NICOL1: variants seen among roughly 807,000 people sequenced by gnomAD.
NICOL1 encodes the protein NELL2 interacting cell ontogeny regulator 1, also known as NELL2-interacting cell ontogeny regulator 1.
chr4:2,042,167 G>A, the NICOL1 span: 2 of 1,356,022 alleles, frequency 1.5e-6, no homozygotes, highest in Non-Finnish European at 1.9e-6. Flanking sequence ...TGGAGTCGGG[G>A]AACCGGAGGT....
chr4:2,038,935 C>T, the NICOL1 span, among the ~76,000 whole-genome samples: 6 of 152,272 alleles, frequency 3.9e-5, no homozygotes, highest in South Asian at 4.1e-4. Context: ...GCTCTGTCAA[C>T]GATCTTTTCA....
At chr4:2,042,374 G>C in the NICOL1 span, 2 of 512,510 alleles carry the variant, frequency 3.9e-6, no homozygotes, top group East Asian at 3.7e-5. Context: ...CCCGCGTGCC[G>C]GTCCCCGATG....
chr4:2,042,569 C>A, the NICOL1 span: 1 of 485,374 alleles, frequency 2.1e-6, no homozygotes, highest in South Asian at 3.0e-5. Context: ...GGGAGGACCG[C>A]GCCTCGCCTT....
the NICOL1 span, among the ~76,000 whole-genome samples, chr4:2,043,321 AC>A: frequency 7.9e-5 from 12 of 152,202 alleles, no homozygotes; most frequent in South Asian, 4.1e-4. Context: ...GGGAGCCCCC[AC>A]GCCATGGGGT....
chr4:2,038,237 G>GTGTGTGTGTA, the NICOL1 span, among the ~76,000 whole-genome samples: 8 of 91,468 alleles, frequency 8.7e-5, no homozygotes, highest in Admixed American at 2.6e-4. Flanking sequence ...TGATCAGTGT[G>GTGTGTGTGTA]TATATATATA....
chr4:2,041,358 A>G, the NICOL1 span, among the ~76,000 whole-genome samples: 1 of 152,012 alleles, frequency 6.6e-6, no homozygotes, highest in East Asian at 1.9e-4. Flanking sequence ...CCCTGAGTTC[A>G]CGGGACTGAA....
the NICOL1 span, among the ~76,000 whole-genome samples, chr4:2,036,613 AC>A: frequency 6.6e-6 from 1 of 152,216 alleles, no homozygotes; most frequent in Non-Finnish European, 1.5e-5. Flanking sequence ...CTCCACTACA[AC>A]ATGTTCAGGG....
At chr4:2,041,045 G>A in the NICOL1 span, among the ~76,000 whole-genome samples, 1 of 151,888 alleles carries the variant, frequency 6.6e-6, no homozygotes, top group Non-Finnish European at 1.5e-5. Flanking sequence ...GGCGAGCGGG[G>A]CGGCCTCCAG....
At chr4:2,043,029 C>G in the NICOL1 span, among the ~76,000 whole-genome samples, 1 of 152,198 alleles carries the variant, frequency 6.6e-6, no homozygotes, top group Non-Finnish European at 1.5e-5. Flanking sequence ...GCCCCTCTCT[C>G]CAGCATACTC....
At chr4:2,041,216 G>C in the NICOL1 span, among the ~76,000 whole-genome samples, 3 of 151,702 alleles carry the variant, frequency 2.0e-5, no homozygotes, top group Non-Finnish European at 4.4e-5. Flanking sequence ...GCCACCGCCT[G>C]TGTCGGTGTC....
chr4:2,042,670 A>G, the NICOL1 span: 1 of 927,912 alleles, frequency 1.1e-6, no homozygotes, highest in Non-Finnish European at 1.6e-6. Context: ...ACGGGCCCAG[A>G]GTGCGTGGGG....
chr4:2,042,698 C>T, the NICOL1 span: 1 of 1,263,894 alleles, frequency 7.9e-7, no homozygotes, highest in Non-Finnish European at 1.1e-6. Context: ...GGGTGACCCC[C>T]CCTGCGCCCC....
the NICOL1 span, among the ~76,000 whole-genome samples, chr4:2,041,253 G>A: frequency 9.9e-5 from 15 of 152,146 alleles, no homozygotes; most frequent in Non-Finnish European, 2.1e-4. Context: ...TCCGACGGCT[G>A]GGACCATCCC....
chr4:2,042,452 C>T, the NICOL1 span: 1 of 428,572 alleles, frequency 2.3e-6, no homozygotes, highest in South Asian at 6.3e-5. Flanking sequence ...CGGGCCCGCG[C>T]CGAGCCCGCC....
the NICOL1 span, among the ~76,000 whole-genome samples, chr4:2,038,271 A>G: frequency 3.6e-5 from 3 of 84,248 alleles, no homozygotes; most frequent in South Asian, 6.9e-4. Context: ...ATATATATAT[A>G]TATATATATA....
At chr4:2,042,679 G>T in the NICOL1 span, 9 of 1,033,510 alleles carry the variant, frequency 8.7e-6, no homozygotes, top group Admixed American at 7.5e-5. Context: ...GAGTGCGTGG[G>T]GGCCTTGCGG....
At chr4:2,040,328 A>G in the NICOL1 span, among the ~76,000 whole-genome samples, 2 of 152,174 alleles carry the variant, frequency 1.3e-5, no homozygotes, top group African/African-American at 4.8e-5. Context: ...GCTGGTCTTG[A>G]ACTCCTGACC....
chr4:2,036,745 C>T, the NICOL1 span, among the ~76,000 whole-genome samples: 5 of 151,980 alleles, frequency 3.3e-5, no homozygotes, highest in South Asian at 2.1e-4. Context: ...TATATGGAGT[C>T]GTGGGTGGGG....
the NICOL1 span, among the ~76,000 whole-genome samples, chr4:2,043,341 G>A: frequency 6.6e-6 from 1 of 152,166 alleles, no homozygotes; most frequent in Non-Finnish European, 1.5e-5. Flanking sequence ...GTGCAGCCAA[G>A]GAGTTTTTGT....
Sources: gnomAD v4.1 joint callset for allele counts (sites outside exome capture counted in the v4.1 genomes callset) on GRCh38, gnomAD v4.1.1 for gene constraint, MANE v1.5 for transcripts, NCBI Gene and HGNC (gene_info 2026-07-23, HGNC 2026-07-21) for gene names.